MFF: variants seen among roughly 807,000 people sequenced by gnomAD.
MFF encodes the protein mitochondrial fission factor, also known as chromosome 2 open reading frame 33.
Under a neutral mutation model 36.9 loss-of-function variants are expected in MFF, and 12 were observed. The observed-to-expected ratio is 0.33, with a 90% CI of 0.21 to 0.53. The LOEUF (loss-of-function observed/expected upper bound fraction) is 0.53. MFF is among the 20% of genes least tolerant of loss of function. The pLI is 0.95. For synonymous variants in MFF, 99 were observed against 126.2 expected, an observed-to-expected ratio of 0.78 and a Z score of 1.44; for missense variants, 348 against 366.6, an observed-to-expected ratio of 0.95 and a Z score of 0.42.
intron 2 of MFF, chr2:227,329,721 A>G (rs2074427037): frequency 6.7e-7 from 1 of 1,485,502 alleles, no homozygotes; most frequent in Non-Finnish European, 9.4e-7. Flanking sequence ...AATAGCTATT[A>G]TAGACCTGTA....
chr2:227,344,110 T>TA (rs1324799777), intron 5 of MFF, among the ~76,000 whole-genome samples: 4 of 152,182 alleles, frequency 2.6e-5, no homozygotes, highest in Non-Finnish European at 5.9e-5. Flanking sequence ...ATGTAACTCT[T>TA]ATGTGATAAG....
intron 4 of MFF, among the ~76,000 whole-genome samples, chr2:227,334,249 A>G (rs763783380): frequency 6.6e-6 from 1 of 152,220 alleles, no homozygotes; most frequent in Non-Finnish European, 1.5e-5. Context: ...TATAAATGTT[A>G]TTGTTAGGAG....
chr2:227,356,952 T>C, intron 8 of MFF, 34 bp from the exon 9 acceptor site: 1 of 1,552,892 alleles, frequency 6.4e-7, no homozygotes, highest in Non-Finnish European at 8.8e-7. Context: ...AAAGCCTCTA[T>C]ATTATATTTT....
chr2:227,347,097 G>A (rs2075752698), intron 5 of MFF, 129 bp from the exon 6 acceptor site: 2 of 689,206 alleles, frequency 2.9e-6, no homozygotes, highest in Non-Finnish European at 2.4e-6. Context: ...CTGTTTTCTT[G>A]TGGGGAGAGT....
intron 1 of MFF, among the ~76,000 whole-genome samples, chr2:227,325,904 G>A (rs2074070815): frequency 6.6e-6 from 1 of 152,086 alleles, no homozygotes; most frequent in African/African-American, 2.4e-5. Context: ...GTACATTTTG[G>A]AAAAGAAGGG....
intron 5 of MFF, among the ~76,000 whole-genome samples, chr2:227,342,093 T>C (rs988252867): frequency 6.6e-6 from 1 of 152,076 alleles, no homozygotes; most frequent in African/African-American, 2.4e-5. Flanking sequence ...TCTTTTTTTT[T>C]CTTTAAGTTG....
chr2:227,345,249 C>G (rs1165045454), intron 5 of MFF, among the ~76,000 whole-genome samples: 1 of 152,060 alleles, frequency 6.6e-6, no homozygotes, highest in African/African-American at 2.4e-5. Context: ...GGAAGTAACC[C>G]TTCTTTTATT....
At chr2:227,342,704 T>C in intron 5 of MFF, 6 of 1,517,986 alleles carry the variant, frequency 4.0e-6, no homozygotes, top group Non-Finnish European at 5.5e-6. Context: ...CTTTGTGTTA[T>C]AAAAGCTGAA....
At position 227,332,479 on chromosome 2, in the gene MFF, C is replaced by T. The variant is rs1189910835; in HGVS notation, c.242C>T (p.Pro81Leu). ...GATCTTGACCTTATTCAGTCAACTC[C>T]CTTTAAACCCCTGGCACTGAAAACA... ...PADLDLIQST[P>L]FKPLALKTPP... The change falls in exon 4 of 9, where the codon CCC becomes CTC. Residue 81 changes from proline to leucine, a missense_variant. By Grantham distance (98) the Pro-to-Leu change is moderately conservative. Coordinates refer to ENST00000304593, the MANE Select transcript of MFF (RefSeq NM_001277062.2). The T allele has an allele frequency of 1.4e-5, 23 of 1,613,394 alleles. No individual in the cohort carries two copies. The highest frequency in any genetic ancestry group is 1.9e-5 in the Non-Finnish European group (22 of 1,179,582).
At chr2:227,333,318 T>C (rs1015408794) in intron 4 of MFF, among the ~76,000 whole-genome samples, 2 of 152,216 alleles carry the variant, frequency 1.3e-5, no homozygotes, top group African/African-American at 4.8e-5. Context: ...CCATACTGTC[T>C]AGGGCAATGC....
Position 227,352,571 on chromosome 2 carries a change from C to G in MFF, c.657C>G (p.Val219=). The G allele has an allele frequency of 6.2e-7, 1 of 1,613,430 alleles. No individual in the cohort carries two copies. The highest frequency in any genetic ancestry group is 8.5e-7 in the Non-Finnish European group (1 of 1,179,540). Residue 219 remains valine, a splice_region_variant and synonymous_variant, in exon 7 of 9, where the codon GTC becomes GTG. Transcript: ENST00000304593. ...AATSNPHHDN[V]RYGISNIDTT... ...CTTCTAATCCTCATCATGACAACGT[C>G]AGGTAAATTTTGAGACTTCGTAATT...
intron 6 of MFF, among the ~76,000 whole-genome samples, chr2:227,348,548 C>T (rs1446110687): frequency 6.6e-6 from 1 of 151,956 alleles, no homozygotes; most frequent in Admixed American, 6.6e-5. Flanking sequence ...TTGTTTTTCC[C>T]CAAGGGTTTA....
At chr2:227,347,921 A>G (rs1444842961) in intron 6 of MFF, among the ~76,000 whole-genome samples, 1 of 152,160 alleles carries the variant, frequency 6.6e-6, no homozygotes, top group Non-Finnish European at 1.5e-5. Context: ...TTCAGTGTTG[A>G]TAATTTATCT....
chr2:227,353,189 C>G (rs183191820), intron 7 of MFF, among the ~76,000 whole-genome samples: 58 of 152,290 alleles, frequency 3.8e-4, no homozygotes, highest in African/African-American at 1.4e-3. Context: ...CTGACACGCA[C>G]AGAGGCTGGC....
chr2:227,327,510 C>T (rs1048160783), intron 1 of MFF, among the ~76,000 whole-genome samples: 3 of 134,720 alleles, frequency 2.2e-5, no homozygotes, highest in Non-Finnish European at 4.9e-5. Flanking sequence ...AGTAGAAATC[C>T]AGTTACTTTT....
At chr2:227,352,644 A>G (rs2076059571) in intron 7 of MFF, 71 bp downstream of exon 7, 1 of 1,214,528 alleles carries the variant, frequency 8.2e-7, no homozygotes, top group African/African-American at 1.8e-5. Context: ...GGCATGTTGC[A>G]TGTCGTAGCC....
intron 5 of MFF, among the ~76,000 whole-genome samples, chr2:227,344,193 C>T (rs184386248): frequency 6.6e-6 from 1 of 152,162 alleles, no homozygotes; most frequent in Non-Finnish European, 1.5e-5. Context: ...TCAAAATTTT[C>T]TAATCTTTTC....
intron 7 of MFF, 40 bp downstream of exon 7, chr2:227,352,613 G>A: frequency 6.4e-7 from 1 of 1,559,130 alleles, no homozygotes. Context: ...GTAAATGCTT[G>A]GCGGAATTTG....
chr2:227,333,032 A>G (rs1186400504), intron 4 of MFF, among the ~76,000 whole-genome samples: 1 of 152,242 alleles, frequency 6.6e-6, no homozygotes, highest in East Asian at 1.9e-4. Flanking sequence ...CATCACGTTA[A>G]TGTGCCAGTT....
Sources: gnomAD v4.1 joint callset for allele counts (sites outside exome capture counted in the v4.1 genomes callset) on GRCh38, gnomAD v4.1.1 for gene constraint, MANE v1.5 for transcripts, NCBI Gene and HGNC (gene_info 2026-07-23, HGNC 2026-07-21) for gene names.